The following MIAT variants were observed in gnomAD, a reference collection of about 807,000 sequenced individuals.
The protein encoded by MIAT is MI related novel mRNA.
At chr22:26,673,761 A>G (rs1298284106), downstream of MIAT, 4 of 398,604 alleles carry the variant, frequency 1.0e-5, no homozygotes, top group African/African-American at 2.1e-5. Context: ...AGTCAGAACA[A>G]TCAGAAGTCG....
chr22:26,654,975 G>T (rs1930399417), intron 2 of MIAT, among the ~76,000 whole-genome samples: 1 of 152,182 alleles, frequency 6.6e-6, no homozygotes, highest in African/African-American at 2.4e-5. Flanking sequence ...GCCTCCCAAA[G>T]TGCTGGGATT....
chr22:26,647,199 C>T (rs754101302), exon 2 of MIAT: 10 of 398,398 alleles, frequency 2.5e-5, no homozygotes, highest in Middle Eastern at 6.2e-4. Context: ...CCTCCAGAAC[C>T]GCAGCATTGG....
chr22:26,673,535 T>C (rs148928375), downstream of MIAT: 61 of 398,768 alleles, frequency 1.5e-4, no homozygotes, highest in African/African-American at 1.2e-3. Flanking sequence ...TCTGTTCCTT[T>C]CAGCAGAAAC....
chr22:26,652,379 C>T (rs903869075), intron 2 of MIAT, among the ~76,000 whole-genome samples: 5 of 151,358 alleles, frequency 3.3e-5, no homozygotes, highest in South Asian at 2.1e-4. Context: ...TTTTTTGAGA[C>T]GGAGTCTCAC....
exon 5 of MIAT, chr22:26,675,691 A>C (rs1381498910): frequency 2.5e-6 from 1 of 398,556 alleles, no homozygotes; most frequent in Non-Finnish European, 4.4e-6. Context: ...TGGTGGTGGG[A>C]AGTCCCTGGA....
At chr22:26,647,095 A>T (rs1191414879) in intron 1 of MIAT, 1 of 398,058 alleles carries the variant, frequency 2.5e-6, no homozygotes, top group African/African-American at 2.1e-5. Context: ...CTGGGATGAC[A>T]CCGTCAGCAT....
chr22:26,665,334 G>A lies in MIAT; in HGVS notation n.730-197G>A, dbSNP rs751468350. 43 of 397,434 alleles carry A rather than the reference G, an allele frequency of 1.1e-4. No homozygotes were observed. The Middle Eastern group carries it at 2.5e-3, about 23-fold the overall frequency. The allele number at this position is 397,434 out of a possible 1,614,324, so 24.6% of individuals were successfully genotyped here. A position where few individuals can be genotyped will look rare whatever the true frequency, so the allele number is the denominator to read the frequency against. ...ACACATTGAGTACGTAGGAGTGAGA[G>A]AGCCACAGTTTCCTCCAGGTTTCTC... is the stretch of plus-strand genomic sequence containing the variant. On this transcript the variant is annotated intron_variant and non_coding_transcript_variant, in intron 3 of 5. Transcript: ENST00000643270.
chr22:26,672,640 C>T (rs1434347070), downstream of MIAT: 3 of 398,970 alleles, frequency 7.5e-6, no homozygotes, highest in African/African-American at 2.1e-5. Flanking sequence ...GGGATAGAAG[C>T]TGTCCTGCAC....
downstream of MIAT, chr22:26,674,281 G>A (rs1169448665): frequency 1.3e-5 from 5 of 398,508 alleles, no homozygotes; most frequent in Non-Finnish European, 2.2e-5. Context: ...TTCTGGAAGG[G>A]ACTTTTGATC....
downstream of MIAT, chr22:26,672,134 T>A: frequency 2.5e-6 from 1 of 399,886 alleles, no homozygotes; most frequent in Non-Finnish European, 4.4e-6. Context: ...TAGCGACTCC[T>A]GTGTGTGTCT....
At chr22:26,650,671 T>C (rs1468165029) in intron 2 of MIAT, among the ~76,000 whole-genome samples, 1 of 152,194 alleles carries the variant, frequency 6.6e-6, no homozygotes, top group Non-Finnish European at 1.5e-5. Flanking sequence ...TAGTTGACCA[T>C]GGCATTGATC....
chr22:26,674,954 GA>G (rs1436742760), exon 5 of MIAT: 4 of 398,676 alleles, frequency 1.0e-5, no homozygotes, highest in Non-Finnish European at 1.8e-5. Context: ...GTGATTCAGT[GA>G]GATGGGTGTT....
chr22:26,668,980 C>G (rs955735293), exon 6 of MIAT: 6 of 398,400 alleles, frequency 1.5e-5, no homozygotes, highest in African/African-American at 1.2e-4. Context: ...TTCCTGCCAT[C>G]CAAAGGGAAC....
At chr22:26,675,421 G>A (rs1443925731) in exon 5 of MIAT, 6 of 398,532 alleles carry the variant, frequency 1.5e-5, no homozygotes, top group East Asian at 7.1e-5. Flanking sequence ...GGAGTTAGTG[G>A]ATTTGAGTTT....
At chr22:26,656,368 G>A (rs1448898015) in intron 2 of MIAT, among the ~76,000 whole-genome samples, 2 of 144,708 alleles carry the variant, frequency 1.4e-5, no homozygotes, top group Admixed American at 7.1e-5. Flanking sequence ...CTTGTCACCC[G>A]GGCTAGAGTA....
At chr22:26,659,771 G>A (rs1404818486) in intron 2 of MIAT, among the ~76,000 whole-genome samples, 5 of 128,546 alleles carry the variant, frequency 3.9e-5, no homozygotes, top group Admixed American at 3.3e-4. Context: ...TAATTGTAAA[G>A]GATTTAGAAA....
chr22:26,674,772 G>A (rs187247541), exon 5 of MIAT: 4 of 398,680 alleles, frequency 1.0e-5, no homozygotes, highest in African/African-American at 8.2e-5. Flanking sequence ...TTCACTCAAA[G>A]CAGGAAGCTC....
rs2301523 is a variant in MIAT, at chr22:26,666,705, G to A, written n.1904G>A. On this transcript the variant is annotated non_coding_transcript_exon_variant, in exon 4 of 6. Coordinates refer to ENST00000643270, the Ensembl canonical transcript of MIAT. ...CACCTTTTAAGGATGTTCTGGGGTG[G>A]AATAAAGAGAGGTGGAGGGTGGGGT... 53,486 of 398,554 alleles carry A rather than the reference G, an allele frequency of 0.13. 3,795 individuals carry two copies. Among genetic ancestry groups the A allele is most frequent in the African/African-American group, 0.18 (8,903 of 48,680 alleles). The allele number at this position is 398,554 out of a possible 1,614,324, so 24.7% of individuals were successfully genotyped here. A position where few individuals can be genotyped will look rare whatever the true frequency, so the allele number is the denominator to read the frequency against.
At chr22:26,666,722 G>A in exon 4 of MIAT, 1 of 398,720 alleles carries the variant, frequency 2.5e-6, no homozygotes, top group East Asian at 3.6e-5. Context: ...GAGAGGTGGA[G>A]GGTGGGGTGC....
Sources: allele counts gnomAD v4.1 joint callset (sites outside exome capture counted in the v4.1 genomes callset), GRCh38; gene constraint gnomAD v4.1.1; transcripts MANE v1.5; gene names NCBI Gene and HGNC (gene_info 2026-07-23, HGNC 2026-07-21).